Variants in EXD1 observed in about 807,000 individuals in gnomAD.
EXD1 encodes the protein piRNA biogenesis protein EXD1.
EXD1 carries 63 observed loss-of-function variants against 49.1 expected under a neutral mutation model. The observed-to-expected ratio is 1.28, with a 90% confidence interval of 1.05 to 1.58. The LOEUF (loss-of-function observed/expected upper bound fraction) is 1.58, where lower values mean the gene tolerates loss of function less well. Ranked by LOEUF, EXD1 falls within the 40% of genes most tolerant of loss-of-function variation. EXD1 has a pLI of 0.00. For missense variants in EXD1, 748 were observed against 666.0 expected, an observed-to-expected ratio of 1.12 and a Z score of -1.36; for synonymous variants, 234 against 239.2, an observed-to-expected ratio of 0.98 and a Z score of 0.20.
chr15:41,200,132 A>G (rs2046705088), intron 7 of EXD1, among the ~76,000 whole-genome samples: 1 of 151,440 alleles, frequency 6.6e-6, no homozygotes, highest in African/African-American at 2.4e-5. Context: ...TTAGTCTCCA[A>G]CTCCGGAGCT....
chr15:41,184,708 G>A (rs1256673848), intron 11 of EXD1, 115 bp from the exon 12 acceptor site: 2 of 1,080,464 alleles, frequency 1.9e-6, no homozygotes, highest in South Asian at 1.8e-5. Flanking sequence ...AGGCTGAAGT[G>A]CAGTGGCACG....
Position 41,219,833 on chromosome 15 carries a change from T to C in EXD1, c.199A>G (p.Asn67Asp). ...VKLFFGHEIV[N>D]VELLDEVEQG... ...TCAAGGAACATGGGGGTCTCACCAT[T>C]CACAATCTCATGCCCAAAAAACAAC... The change falls in exon 3 of 12, where the codon AAT becomes GAT. Residue 67 changes from asparagine (N) to aspartate (D), a missense_variant. Physicochemically the swap from Asn to Asp is conservative, Grantham distance 23. Transcript: ENST00000458580. The C allele has an allele frequency of 6.5e-7, 1 of 1,535,462 alleles. No individual in the cohort carries two copies. Among genetic ancestry groups the C allele is most frequent in the African/African-American group, 1.4e-5 (1 of 73,122 alleles).
At chr15:41,214,602 G>T (rs2046973527) in intron 6 of EXD1, among the ~76,000 whole-genome samples, 1 of 151,998 alleles carries the variant, frequency 6.6e-6, no homozygotes, top group African/African-American at 2.4e-5. Flanking sequence ...AAAGCCCTAA[G>T]TGAACTGCCT....
chr15:41,184,031 G>T lies in EXD1; in HGVS notation c.1619C>A (p.Thr540Asn), dbSNP rs777589074. 2 of 1,614,162 alleles carry T rather than the reference G, an allele frequency of 1.2e-6. No homozygotes were observed. Among genetic ancestry groups the T allele is most frequent in the Non-Finnish European group, 1.7e-6 (2 of 1,180,028 alleles). ...CACAGTCTTTCTGATAGGATAAAAAGTGTCACTTGGAGACACTCTGGTTTC... is the reference window on the plus strand; with the variant it reads ...CACAGTCTTTCTGATAGGATAAAAATTGTCACTTGGAGACACTCTGGTTTC... ...PQETRVSPSD[T>N]FYPIRKTVVS... Residue 540 changes from threonine to asparagine, a missense_variant, in exon 12 of 12, where the codon ACT becomes AAT. By Grantham distance (65) the Thr-to-Asn change is moderately conservative (BLOSUM62 0). Transcript: ENST00000458580.
rs758950662 is a variant in EXD1, at chr15:41,189,992, T to C, written c.1001A>G (p.Asp334Gly). ...TTCGCGATACGTGTTTAGGTAACCA[T>C]CCACCAGGGTGGTTAGGTCAGACAT... Reference protein sequence around the residue: ...EMMSDLTTLVDGYLNTYREGS... With the variant: ...EMMSDLTTLVGGYLNTYREGS... Residue 334 changes from aspartate (D) to glycine (G), a missense_variant, in exon 11 of 12, where the codon GAT (aspartate) becomes GGT (glycine). Coordinates refer to ENST00000458580, the MANE Select transcript of EXD1 (RefSeq NM_001286441.2). 5 of 1,614,032 alleles carry C rather than the reference T, an allele frequency of 3.1e-6. No homozygotes were observed. The Admixed American group carries it at 5.0e-5, about 16-fold the overall frequency.
At chr15:41,202,480 A>G (rs2046748442) in intron 7 of EXD1, among the ~76,000 whole-genome samples, 1 of 151,594 alleles carries the variant, frequency 6.6e-6, no homozygotes, top group Non-Finnish European at 1.5e-5. Context: ...CCCAGCATAT[A>G]TATATATTTG....
chr15:41,226,859 T>C (rs943878152), intron 1 of EXD1, among the ~76,000 whole-genome samples: 1 of 152,190 alleles, frequency 6.6e-6, no homozygotes, highest in Non-Finnish European at 1.5e-5. Context: ...GTTTATAAAA[T>C]GGGCATGATA....
intron 6 of EXD1, among the ~76,000 whole-genome samples, chr15:41,210,540 C>T (rs531806170): frequency 6.6e-6 from 1 of 152,130 alleles, no homozygotes; most frequent in African/African-American, 2.4e-5. Flanking sequence ...AAAAAATTAT[C>T]CAGGCATGGT....
At chr15:41,208,592 A>G (rs1408913923) in intron 7 of EXD1, among the ~76,000 whole-genome samples, 1 of 151,848 alleles carries the variant, frequency 6.6e-6, no homozygotes, top group Non-Finnish European at 1.5e-5. Context: ...GTCTCTACTA[A>G]AAACACAAAA....
chr15:41,219,997 T>C, intron 2 of EXD1, 99 bp from the exon 3 acceptor site: 2 of 600,734 alleles, frequency 3.3e-6, no homozygotes, highest in Non-Finnish European at 5.2e-6. Context: ...GAGTTGTATT[T>C]AAAAAAAAAA....
At chr15:41,210,737 T>C (rs1437762808) in intron 6 of EXD1, among the ~76,000 whole-genome samples, 2 of 152,202 alleles carry the variant, frequency 1.3e-5, no homozygotes, top group Non-Finnish European at 2.9e-5. Flanking sequence ...TCTATAATCT[T>C]ACCCTATTTC....
At chr15:41,209,838 A>G (rs1310016622) in intron 6 of EXD1, among the ~76,000 whole-genome samples, 4 of 152,172 alleles carry the variant, frequency 2.6e-5, no homozygotes, top group Non-Finnish European at 5.9e-5. Context: ...CAGACCCCAA[A>G]TGACAATAAG....
intron 6 of EXD1, among the ~76,000 whole-genome samples, chr15:41,214,282 A>AGCG (rs2046966593): frequency 6.6e-6 from 1 of 152,142 alleles, no homozygotes; most frequent in African/African-American, 2.4e-5. Context: ...AGGCGGAGAT[A>AGCG]GGCAGATCAC....
rs543397083 is a variant in EXD1 at position 41,200,393 on chromosome 15, T to G, written c.535-4356A>C. On this transcript the variant is annotated intron_variant, in intron 7 of 11. Coordinates refer to ENST00000458580, the MANE Select transcript of EXD1 (RefSeq NM_001286441.2). ...CAAAAATTAGTTGGGCGTGGTGGTGTGCACCTGTAGTCCCAGCTAGTCGGG... is the reference window on the plus strand; with the variant it reads ...CAAAAATTAGTTGGGCGTGGTGGTGGGCACCTGTAGTCCCAGCTAGTCGGG... Among the ~76,000 whole-genome samples the G allele has an allele frequency of 3.3e-5, 5 of 152,094 alleles. No homozygotes were observed. The East Asian group carries it at 9.7e-4, about 29-fold the overall frequency.
At chr15:41,192,116 C>T (rs76069726) in intron 9 of EXD1, 2,236 of 154,182 alleles carry the variant, frequency 0.015, 48 homozygotes, top group East Asian at 0.071. Context: ...GTTCTCCCCG[C>T]TCCTGGGAGG....
At chr15:41,223,832 TCCAGCC>T (rs2047124460) in intron 2 of EXD1, among the ~76,000 whole-genome samples, 1 of 151,148 alleles carries the variant, frequency 6.6e-6, no homozygotes, top group Non-Finnish European at 1.5e-5. Context: ...ACCACTGCAC[TCCAGCC>T]TGGGTGACAC....
chr15:41,223,311 T>C (rs1351812766), intron 2 of EXD1, among the ~76,000 whole-genome samples: 2 of 151,840 alleles, frequency 1.3e-5, no homozygotes, highest in South Asian at 2.1e-4. Flanking sequence ...TCCCAGCTAT[T>C]TGGGAGGCTG....
rs2047168465 is a variant in EXD1 at position 41,226,626 on chromosome 15, A to G, written c.-51T>C. Reference sequence around the variant, plus strand: ...CAAATAATCTTCTTTAAGCATCCAAACACTTGAAAATTAATAAAGAGATCT... The same window carrying G: ...CAAATAATCTTCTTTAAGCATCCAAGCACTTGAAAATTAATAAAGAGATCT... On this transcript the variant is annotated splice_region_variant and 5_prime_UTR_variant, in exon 2 of 12. Transcript: ENST00000458580. 6.7e-7 allele frequency: 1 copy of G among 1,492,614 alleles called. No homozygotes were observed. Among genetic ancestry groups the G allele is most frequent in the South Asian group, 1.3e-5 (1 of 76,328 alleles). The allele number at this position is 1,492,614 out of a possible 1,614,324, so 92.5% of individuals were successfully genotyped here. A position where few individuals can be genotyped will look rare whatever the true frequency, so the allele number is the denominator to read the frequency against.
At chr15:41,191,389 T>C in intron 10 of EXD1, 53 bp downstream of exon 10, 1 of 1,537,944 alleles carries the variant, frequency 6.5e-7, no homozygotes, top group Non-Finnish European at 8.9e-7. Flanking sequence ...ATAATACTGC[T>C]CAGAAAACAC....
Sources: allele counts gnomAD v4.1 joint callset (sites outside exome capture counted in the v4.1 genomes callset), GRCh38; gene constraint gnomAD v4.1.1; transcripts MANE v1.5; gene names NCBI Gene and HGNC (gene_info 2026-07-23, HGNC 2026-07-21).